ELSPBP1: variants seen among roughly 807,000 people sequenced by gnomAD.
The protein encoded by ELSPBP1 is epididymal sperm-binding protein 1.
ELSPBP1 carries 38 observed loss-of-function variants against 33.3 expected under a neutral mutation model. That is an observed-to-expected ratio of 1.14 (90% CI 0.88 to 1.50). The LOEUF (loss-of-function observed/expected upper bound fraction) is 1.50. ELSPBP1 is among the 40% of genes most tolerant of loss of function. The probability of loss-of-function intolerance (pLI) is 0.00; values close to 1 mark genes in which losing one functional copy is unlikely to be tolerated. For synonymous variants in ELSPBP1, 85 were observed against 94.1 expected, an observed-to-expected ratio of 0.90 and a Z score of 0.56; for missense variants, 267 against 263.5, an observed-to-expected ratio of 1.01 and a Z score of -0.09.
At chr19:47,997,240 A>C (rs80053768) in intron 1 of ELSPBP1, among the ~76,000 whole-genome samples, 2,207 of 152,308 alleles carry the variant, frequency 0.014, 57 homozygotes, top group Admixed American at 0.07. Flanking sequence ...TCCATTCCTA[A>C]GACAGCCATC....
At chr19:48,022,081 TGAAATCTAG>T in intron 5 of ELSPBP1, 80 bp from the exon 6 acceptor site, 2 of 1,280,014 alleles carry the variant, frequency 1.6e-6, no homozygotes, top group Admixed American at 4.8e-5. Flanking sequence ...AGCCCCAATT[TGAAATCTAG>T]GGTGGGCCTG....
At chr19:48,013,092 A>C (rs911791189) in intron 2 of ELSPBP1, among the ~76,000 whole-genome samples, 1 of 152,218 alleles carries the variant, frequency 6.6e-6, no homozygotes, top group African/African-American at 2.4e-5. Context: ...CAGAAGGACT[A>C]AAAGGACCAC....
Position 48,011,396 on chromosome 19 carries a change from G to T in ELSPBP1, c.70+2659G>T, listed in dbSNP as rs1221805830. The stretch of plus-strand genomic sequence containing the variant: ...TGACAATGATGATGACGATGATAAT[G>T]ATGATGTCAATAATGATGTGATGAG... On this transcript the variant is annotated intron_variant, in intron 2 of 6. Coordinates refer to ENST00000339841, the MANE Select transcript of ELSPBP1 (RefSeq NM_022142.5). The surrounding 1 kb of genome is among the most constrained non-coding windows in gnomAD (Gnocchi z 4.5). Among the ~76,000 whole-genome samples, 1 of 151,076 alleles carries T rather than the reference G, an allele frequency of 6.6e-6. No individual in the cohort carries two copies. The highest frequency in any genetic ancestry group is 1.5e-5 in the Non-Finnish European group (1 of 67,792).
At chr19:48,016,869 G>A (rs371935306) in intron 4 of ELSPBP1, among the ~76,000 whole-genome samples, 4 of 152,100 alleles carry the variant, frequency 2.6e-5, no homozygotes, top group African/African-American at 7.2e-5. Context: ...AAAATGCTAG[G>A]ATTACAGGCA....
intron 1 of ELSPBP1, among the ~76,000 whole-genome samples, chr19:48,000,013 AG>A (rs1004508384): frequency 1.3e-5 from 2 of 150,870 alleles, no homozygotes; most frequent in African/African-American, 4.9e-5. Flanking sequence ...GTAGAGAAGG[AG>A]GGGGTCTCAC....
chr19:48,002,429 A>C (rs1250155536), intron 1 of ELSPBP1, among the ~76,000 whole-genome samples: 1 of 152,192 alleles, frequency 6.6e-6, no homozygotes, highest in African/African-American at 2.4e-5. Context: ...ATGACACTGC[A>C]GGTAGTCAAG....
chr19:48,014,092 C>T, intron 2 of ELSPBP1, 79 bp from the exon 3 acceptor site: 1 of 1,514,834 alleles, frequency 6.6e-7, no homozygotes, highest in Non-Finnish European at 9.0e-7. Context: ...CATATTAAAG[C>T]AAGAGCCAAA....
intron 2 of ELSPBP1, among the ~76,000 whole-genome samples, chr19:48,013,824 G>A (rs1967101778): frequency 6.6e-6 from 1 of 152,096 alleles, no homozygotes; most frequent in Non-Finnish European, 1.5e-5. Flanking sequence ...AGAAGTCCAA[G>A]GGCAAGTCAC....
intron 1 of ELSPBP1, among the ~76,000 whole-genome samples, chr19:48,002,303 C>T (rs1285737047): frequency 6.6e-6 from 1 of 152,128 alleles, no homozygotes; most frequent in Non-Finnish European, 1.5e-5. Context: ...ATCTTAGCAT[C>T]TAAGCCAAAA....
intron 1 of ELSPBP1, among the ~76,000 whole-genome samples, chr19:47,998,515 G>T (rs1261841044): frequency 2.0e-5 from 3 of 152,112 alleles, no homozygotes; most frequent in Non-Finnish European, 4.4e-5. Context: ...TCCGGGGCGC[G>T]GTGGCTCACG....
intron 5 of ELSPBP1, among the ~76,000 whole-genome samples, 200 bp downstream of exon 5, chr19:48,020,077 G>A (rs1333485293): frequency 2.0e-5 from 3 of 152,162 alleles, no homozygotes; most frequent in Non-Finnish European, 2.9e-5. Context: ...CCAAGAGAAA[G>A]GTGCCAAAAT....
chr19:48,019,632 T>G, intron 4 of ELSPBP1, 87 bp from the exon 5 acceptor site: 1 of 1,349,784 alleles, frequency 7.4e-7, no homozygotes, highest in Non-Finnish European at 1.0e-6. Context: ...TTTAATGGGA[T>G]AAAGCGTGGC....
intron 4 of ELSPBP1, among the ~76,000 whole-genome samples, chr19:48,019,469 G>C (rs1967175152): frequency 6.6e-6 from 1 of 152,168 alleles, no homozygotes; most frequent in South Asian, 2.1e-4. Flanking sequence ...TAGCTTAGTA[G>C]AGTCAAGGTG....
chr19:48,016,562 T>C (rs959402113), intron 4 of ELSPBP1, among the ~76,000 whole-genome samples: 2 of 97,904 alleles, frequency 2.0e-5, no homozygotes, highest in African/African-American at 8.7e-5. Flanking sequence ...CTTCCTTCCT[T>C]CCTTCCTCCC....
Position 48,008,653 on chromosome 19 carries a change from A to G in ELSPBP1, c.-15A>G, listed in dbSNP as rs772855222. 1 of 1,613,388 alleles carries G rather than the reference A, an allele frequency of 6.2e-7. No homozygotes were observed. The highest frequency in any genetic ancestry group is 8.5e-7 in the Non-Finnish European group (1 of 1,179,584). On this transcript the variant is annotated splice_region_variant and 5_prime_UTR_variant, in exon 2 of 7. Transcript: ENST00000339841. ...AATTTTTGTCTTCTTTTCCACAGAG[A>G]AGAGGGCAGCCAAGATGACCCGATG...
At chr19:48,014,096 A>G in intron 2 of ELSPBP1, 75 bp from the exon 3 acceptor site, 1 of 1,534,408 alleles carries the variant, frequency 6.5e-7, no homozygotes, top group Non-Finnish European at 8.9e-7. Flanking sequence ...TTAAAGCAAG[A>G]GCCAAACCAA....
intron 4 of ELSPBP1, among the ~76,000 whole-genome samples, chr19:48,016,788 G>A (rs1354828272): frequency 1.3e-5 from 2 of 151,652 alleles, no homozygotes; most frequent in Admixed American, 6.6e-5. Context: ...TAGCAGGCAC[G>A]GGGTTTCACC....
chr19:48,012,016 G>A lies in ELSPBP1; in HGVS notation c.71-2155G>A, dbSNP rs375166821. Among the ~76,000 whole-genome samples the A allele has an allele frequency of 3.0e-3, 448 of 148,040 alleles. 5 individuals carry two copies. The highest frequency in any genetic ancestry group is 0.021 in the South Asian group (97 of 4,590). ...CAACTTTAATTAGTCCTTATTGTAC[G>A]TGGGTTTTCATGTAATGAGGAATTT... On this transcript the variant is annotated intron_variant, in intron 2 of 6. Transcript: ENST00000339841.
In ELSPBP1 at chr19:48,015,834, A is replaced by T. The variant is rs569566421; in HGVS notation, c.209-59A>T. On this transcript the variant is annotated intron_variant, in intron 3 of 6. Coordinates refer to ENST00000339841, the MANE Select transcript of ELSPBP1 (RefSeq NM_022142.5). ...ATGATGGTTGATTGATGATTAAATG[A>T]CTCTGTCCTGTGAACGACTAGAGGA... 5.3e-6 allele frequency: 8 copies of T among 1,502,912 alleles called. No homozygotes were observed. The East Asian group carries it at 1.4e-4, about 26-fold the overall frequency. 93.1% of individuals were successfully genotyped at this position (1,502,912 alleles called of 1,614,324 possible).
Sources: gnomAD v4.1 joint callset for allele counts (sites outside exome capture counted in the v4.1 genomes callset) on GRCh38, gnomAD v4.1.1 for gene constraint, Gnocchi (gnomAD v3.1) non-coding constraint, MANE v1.5 for transcripts, NCBI Gene and HGNC (gene_info 2026-07-23, HGNC 2026-07-21) for gene names.